The following PDS5A variants were observed in gnomAD, a reference collection of about 807,000 sequenced individuals.
The protein encoded by PDS5A is PDS5 cohesin associated factor A.
Under a neutral mutation model 167.1 loss-of-function variants are expected in PDS5A, and 42 were observed. The ratio of observed to expected loss-of-function variants is 0.25; its 90% CI spans 0.20 to 0.33. The LOEUF is 0.33. Among genes scored for constraint, PDS5A ranks in the 10% least tolerant of loss-of-function variants. The probability of loss-of-function intolerance (pLI) is 1.00; values close to 1 mark genes in which losing one functional copy is unlikely to be tolerated. For synonymous variants in PDS5A, 553 were observed against 554.6 expected, an observed-to-expected ratio of 1.00 and a Z score of 0.04; for missense variants, 1,033 against 1,605.9, an observed-to-expected ratio of 0.64 and a Z score of 6.10.
At chr4:39,930,252 T>TG (rs1440748907) in intron 2 of PDS5A, among the ~76,000 whole-genome samples, 3 of 112,278 alleles carry the variant, frequency 2.7e-5, no homozygotes, top group Non-Finnish European at 4.1e-5. Flanking sequence ...AAAAAGTTTT[T>TG]TTGTTTTTTG....
At chr4:39,951,825 G>A (rs944619147) in intron 2 of PDS5A, among the ~76,000 whole-genome samples, 10 of 147,722 alleles carry the variant, frequency 6.8e-5, no homozygotes, top group African/African-American at 1.2e-4. Flanking sequence ...GCCTGAACCC[G>A]GAAGGCAGAG....
At chr4:39,857,952 G>A (rs1718670801) in intron 26 of PDS5A, among the ~76,000 whole-genome samples, 2 of 152,070 alleles carry the variant, frequency 1.3e-5, no homozygotes, top group South Asian at 2.1e-4. Flanking sequence ...TTACAGGTGT[G>A]AGCCACCATG....
At chr4:39,854,143 A>G (rs1218290574) in intron 26 of PDS5A, among the ~76,000 whole-genome samples, 1 of 152,158 alleles carries the variant, frequency 6.6e-6, no homozygotes, top group African/African-American at 2.4e-5. Context: ...CTCTTAAAAA[A>G]AATACAAAAA....
At chr4:39,932,225 C>A (rs1224553997) in intron 2 of PDS5A, among the ~76,000 whole-genome samples, 1 of 152,148 alleles carries the variant, frequency 6.6e-6, no homozygotes, top group Non-Finnish European at 1.5e-5. Flanking sequence ...CAGACATTAG[C>A]AAGCCTGATG....
chr4:39,953,986 A>C (rs907242206), intron 2 of PDS5A, among the ~76,000 whole-genome samples: 2 of 152,142 alleles, frequency 1.3e-5, no homozygotes, highest in African/African-American at 4.8e-5. Flanking sequence ...CAATCTACCA[A>C]GTTAAAAACA....
At chr4:39,862,472 C>T in intron 25 of PDS5A, 139 bp from the exon 26 acceptor site, 1 of 505,410 alleles carries the variant, frequency 2.0e-6, no homozygotes. Context: ...AAATACTTTA[C>T]ACTTCACTTT....
chr4:39,872,599 C>T (rs979715194), intron 21 of PDS5A, among the ~76,000 whole-genome samples: 2 of 151,994 alleles, frequency 1.3e-5, no homozygotes, highest in Admixed American at 6.6e-5. Flanking sequence ...TGCAGTGAGC[C>T]GAGATCGTGC....
At chr4:39,878,937 T>C (rs1720708271) in intron 18 of PDS5A, among the ~76,000 whole-genome samples, 1 of 152,046 alleles carries the variant, frequency 6.6e-6, no homozygotes, top group Non-Finnish European at 1.5e-5. Flanking sequence ...AGAGACGGGG[T>C]TTCCCCATGT....
chr4:39,870,560 C>T (rs971862738), intron 21 of PDS5A, among the ~76,000 whole-genome samples: 2 of 151,750 alleles, frequency 1.3e-5, no homozygotes, highest in African/African-American at 4.8e-5. Context: ...TGCACCCCAG[C>T]CTGGGTGACA....
At position 39,976,584 on chromosome 4, in the gene PDS5A, GGAC is replaced by G. The variant is rs750632218; in HGVS notation, c.-10_-8del. 4 of 1,607,414 alleles carry G rather than the reference GGAC, an allele frequency of 2.5e-6. No homozygotes were observed. The East Asian group carries it at 8.9e-5, about 36-fold the overall frequency. On this transcript the variant is annotated 5_prime_UTR_variant, in exon 2 of 33. Coordinates refer to ENST00000303538, the MANE Select transcript of PDS5A (RefSeq NM_001100399.2). Reference sequence around the variant, plus strand: ...GCTGCGCGGTGAAGTCCATCCTGGGGGACAACTTTTGGTTCACAGTCCTCTACC... The same window carrying G: ...GCTGCGCGGTGAAGTCCATCCTGGGGAACTTTTGGTTCACAGTCCTCTACC...
chr4:39,873,720 T>C (rs1720242003), intron 20 of PDS5A, among the ~76,000 whole-genome samples: 1 of 152,172 alleles, frequency 6.6e-6, no homozygotes, highest in East Asian at 1.9e-4. Flanking sequence ...ACTGAACCAA[T>C]AAGGCTAAAA....
chr4:39,848,152 T>A (rs1167571156), intron 28 of PDS5A: 2 of 152,170 alleles, frequency 1.3e-5, no homozygotes, highest in African/African-American at 4.8e-5. Context: ...TGGTCCCAGG[T>A]GTCAAAAAGG....
intron 2 of PDS5A, among the ~76,000 whole-genome samples, chr4:39,967,413 C>T (rs1246072908): frequency 6.6e-6 from 1 of 152,194 alleles, no homozygotes; most frequent in African/African-American, 2.4e-5. Context: ...TTTCGGAAGC[C>T]GAGGTGGGTG....
chr4:39,884,204 C>T (rs528062964), intron 17 of PDS5A, among the ~76,000 whole-genome samples: 3 of 152,102 alleles, frequency 2.0e-5, no homozygotes, highest in South Asian at 2.1e-4. Flanking sequence ...TGGGATTACA[C>T]GCATGAGCCA....
rs561185693 is a variant in PDS5A at position 39,943,389 on chromosome 4, G to A, written c.139-15225C>T. Reference sequence around the variant, plus strand: ...AGTCAAGGTTAGCATTACTTAATAAGACAAGGTTATTATTTCATACCTAAA... The same window carrying A: ...AGTCAAGGTTAGCATTACTTAATAAAACAAGGTTATTATTTCATACCTAAA... On this transcript the variant is annotated intron_variant, in intron 2 of 32. Transcript: ENST00000303538. 3.3e-5 allele frequency among the ~76,000 whole-genome samples: 5 copies of A among 152,006 alleles called. No homozygotes were observed. The South Asian group carries it at 8.3e-4, about 25-fold the overall frequency.
At chr4:39,848,013 C>T (rs992899097) in intron 28 of PDS5A, 6 of 152,136 alleles carry the variant, frequency 3.9e-5, no homozygotes, top group African/African-American at 1.4e-4. Context: ...ACTATGCCTG[C>T]GAGGGATCTA....
intron 26 of PDS5A, among the ~76,000 whole-genome samples, chr4:39,860,627 C>A (rs1042398315): frequency 1.3e-5 from 2 of 152,098 alleles, no homozygotes; most frequent in East Asian, 3.8e-4. Context: ...GGAGGATATA[C>A]ACACATACAA....
At position 39,824,233 on chromosome 4, in the gene PDS5A, A is replaced by T. The variant is rs1400309473; in HGVS notation, c.*1252T>A. 2 of 152,220 alleles carry T rather than the reference A, an allele frequency of 1.3e-5. No individual in the cohort carries two copies. Among genetic ancestry groups the T allele is most frequent in the Non-Finnish European group, 2.9e-5 (2 of 68,038 alleles). The allele number at this position is 152,220 out of a possible 1,614,324, so 9.4% of individuals were successfully genotyped here. A position where few individuals can be genotyped will look rare whatever the true frequency, so the allele number is the denominator to read the frequency against. On this transcript the variant is annotated 3_prime_UTR_variant, in exon 33 of 33. Transcript: ENST00000303538. ...ATTTTATATAGATAATGGAGAGTTG[A>T]CTGTAATCATGTTATGACTTTAGCT...
chr4:39,928,250 T>C (rs1725643233), intron 2 of PDS5A, 86 bp from the exon 3 acceptor site: 3 of 807,580 alleles, frequency 3.7e-6, no homozygotes, highest in East Asian at 2.7e-5. Context: ...AAAAAAGTCA[T>C]CTCCATTAGC....
Sources: allele counts gnomAD v4.1 joint callset (sites outside exome capture counted in the v4.1 genomes callset), GRCh38; gene constraint gnomAD v4.1.1; transcripts MANE v1.5; gene names NCBI Gene and HGNC (gene_info 2026-07-23, HGNC 2026-07-21).